The following TTC19 variants were observed in gnomAD, a reference collection of about 807,000 sequenced individuals.
TTC19 encodes the protein tetratricopeptide repeat domain 19, also known as tetratricopeptide repeat protein 19, mitochondrial.
In TTC19, 38 loss-of-function variants were observed where a neutral mutation model predicts 49.5. The observed-to-expected ratio is 0.77, with a 90% CI of 0.59 to 1.01. The LOEUF (loss-of-function observed/expected upper bound fraction) is 1.01. TTC19 is among the 50% of genes least tolerant of loss of function. The pLI is 0.00. For missense variants in TTC19, 475 were observed against 477.7 expected (o/e 0.99, Z 0.05); for synonymous variants, 204 against 185.2 (o/e 1.10, Z -0.83).
chr17:16,012,915 T>A (rs944978614), intron 7 of TTC19, among the ~76,000 whole-genome samples: 7 of 152,148 alleles, frequency 4.6e-5, no homozygotes, highest in African/African-American at 1.7e-4. Flanking sequence ...TTTAAAAATT[T>A]AAATAGGCTG....
chr17:16,005,382 G>A (rs1037033397), intron 6 of TTC19, among the ~76,000 whole-genome samples: 42 of 152,200 alleles, frequency 2.8e-4, no homozygotes, highest in Admixed American at 2.7e-3. Flanking sequence ...GAAGGAAGGG[G>A]ATGCTTCTGT....
chr17:16,039,772 T>G, intron 2 of TTC19: 1 of 866,236 alleles, frequency 1.2e-6, no homozygotes, highest in Non-Finnish European at 1.8e-6. Context: ...CCTAGAACAA[T>G]ACCAGGACCC....
At chr17:16,004,002 C>T in intron 5 of TTC19, 115 bp downstream of exon 5, 1 of 1,234,590 alleles carries the variant, frequency 8.1e-7, no homozygotes, top group Non-Finnish European at 1.2e-6. Flanking sequence ...GTGGAGTTTC[C>T]CTTCTGAGAT....
chr17:16,000,267 C>T lies in TTC19; in HGVS notation c.312+22C>T, dbSNP rs768968601. ...CAAGGTGAGGCGGCTCCGGGCCCTG[C>T]GCCCGGCCGAGCGCGGTAGCCTTTG... is the stretch of plus-strand genomic sequence containing the variant. On this transcript the variant is annotated intron_variant, in intron 2 of 9. Transcript: ENST00000261647. The T allele has an allele frequency of 5.7e-6, 9 of 1,592,462 alleles. No individual in the cohort carries two copies. In the Admixed American group the frequency reaches 1.2e-4, roughly 21 times the overall value.
Position 16,026,548 on chromosome 17 carries a change from G to A in TTC19, c.840G>A (p.Val280=), listed in dbSNP as rs1342773414. The A allele has an allele frequency of 6.2e-7, 1 of 1,614,068 alleles. No homozygotes were observed. The highest frequency in any genetic ancestry group is 2.2e-5 in the East Asian group (1 of 44,870). ...TTTTCTTTTACATACAGACCATTGT[G>A]CTGATGAGTGACCTGGCTACTACCC... ...IQGERHPQTI[V]LMSDLATTLD... The change falls in exon 9 of 10, where the codon GTG becomes GTA. Residue 280 remains valine (V), a synonymous_variant. Transcript: ENST00000261647.
chr17:16,026,156 C>G (rs1971549802), intron 8 of TTC19, among the ~76,000 whole-genome samples: 1 of 150,680 alleles, frequency 6.6e-6, no homozygotes, highest in African/African-American at 2.4e-5. Flanking sequence ...CAACATAATA[C>G]AGTGGGGCTC....
At chr17:16,036,345 C>T (rs2056360960) in intron 2 of TTC19, among the ~76,000 whole-genome samples, 1 of 152,168 alleles carries the variant, frequency 6.6e-6, no homozygotes, top group African/African-American at 2.4e-5. Flanking sequence ...GGCTTTGTTC[C>T]ATTTCTAGAG....
downstream of TTC19, chr17:16,032,619 C>T: frequency 1.3e-6 from 1 of 755,184 alleles, no homozygotes; most frequent in Non-Finnish European, 2.0e-6. Flanking sequence ...ATGAATACAA[C>T]ACGGAATGGC....
chr17:16,010,670 T>TGTATTTTTAGTAGAG (rs1250009960), intron 7 of TTC19, among the ~76,000 whole-genome samples: 2 of 141,872 alleles, frequency 1.4e-5, no homozygotes, highest in Non-Finnish European at 3.1e-5. Context: ...GACTGGGTTT[T>TGTATTTTTAGTAGAG]ACCATGTTAG....
At chr17:16,036,138 C>G (rs937273934) in intron 2 of TTC19, among the ~76,000 whole-genome samples, 1 of 152,188 alleles carries the variant, frequency 6.6e-6, no homozygotes, top group Non-Finnish European at 1.5e-5. Flanking sequence ...TTCCTTGATC[C>G]ATGGGCTTCA....
At position 16,027,502 on chromosome 17, in the gene TTC19, A is replaced by G. The variant is rs971440438; in HGVS notation, c.1123A>G (p.Thr375Ala). The G allele has an allele frequency of 6.2e-7, 1 of 1,614,108 alleles. No homozygotes were observed. Among genetic ancestry groups the G allele is most frequent in the East Asian group, 2.2e-5 (1 of 44,878 alleles). The change falls in exon 10 of 10, where the codon ACA becomes GCA. Residue 375 changes from threonine (T) to alanine (A), a missense_variant. Coordinates refer to ENST00000261647, the MANE Select transcript of TTC19 (RefSeq NM_017775.4). Reference sequence around the variant, plus strand: ...GCTGTCAAAGAAAAGTAGACCTTTGACAAATTCTGTCAAGCTCTAAATCCA... The same window carrying G: ...GCTGTCAAAGAAAAGTAGACCTTTGGCAAATTCTGTCAAGCTCTAAATCCA... ...AELSKKSRPL[T>A]NSVKL
At chr17:16,024,982 T>C in intron 7 of TTC19, 35 bp from the exon 8 acceptor site, 6 of 1,610,850 alleles carry the variant, frequency 3.7e-6, no homozygotes, top group Non-Finnish European at 5.1e-6. Context: ...TAACAACCAT[T>C]TGGGTAGATT....
rs1436808683 is a variant in TTC19, at chr17:15,999,857, G to T, written c.9G>T (p.Arg3=). 6.6e-7 allele frequency: 1 copy of T among 1,510,978 alleles called. No individual in the cohort carries two copies. The highest frequency in any genetic ancestry group is 2.1e-5 in the Admixed American group (1 of 48,644). The allele number at this position is 1,510,978 out of a possible 1,614,324, so 93.6% of individuals were successfully genotyped here. ...GAGGACGCGGCGGGAGCATGTTCCG[G>T]CTCCTGAGCTGGAGCCTGGGCCGAG... MF[R]LLSWSLGRGF... Residue 3 remains arginine, a synonymous_variant, in exon 1 of 10, where the codon CGG becomes CGT. Transcript: ENST00000261647.
intron 7 of TTC19, among the ~76,000 whole-genome samples, chr17:16,007,465 TCTTA>T (rs1353677015): frequency 2.0e-5 from 3 of 150,186 alleles, no homozygotes; most frequent in Non-Finnish European, 3.0e-5. Flanking sequence ...TTTTTTGTTT[TCTTA>T]CTAAGTTGAG....
chr17:16,000,017 C>T lies in TTC19; in HGVS notation c.169C>T (p.Leu57=). Residue 57 remains leucine (L), a synonymous_variant, in exon 1 of 10, where the codon CTG becomes TTG. Transcript: ENST00000261647. The part of the protein sequence containing the change: ...VAPHGRGPGL[L]PLLAALAWFS... Reference sequence around the variant, plus strand: ...GCCGCACGGCCGGGGCCCAGGCCTGCTGCCGCTGCTGGCAGGTGAGGGGCG... The same window carrying T: ...GCCGCACGGCCGGGGCCCAGGCCTGTTGCCGCTGCTGGCAGGTGAGGGGCG... 8.0e-7 allele frequency: 1 copy of T among 1,243,024 alleles called. No individual in the cohort carries two copies. Among genetic ancestry groups the T allele is most frequent in the Non-Finnish European group, 1.0e-6 (1 of 996,346 alleles). The allele number at this position is 1,243,024 out of a possible 1,614,324, so 77.0% of individuals were successfully genotyped here.
intron 7 of TTC19, among the ~76,000 whole-genome samples, chr17:16,009,352 T>G (rs1012555287): frequency 3.9e-5 from 6 of 152,238 alleles, no homozygotes; most frequent in African/African-American, 1.4e-4. Flanking sequence ...GTAAAAATCA[T>G]CTGTAATCAT....
chr17:16,028,059 TACCAGCA>T lies in TTC19; in HGVS notation c.*538_*544del. 2.2e-6 allele frequency: 1 copy of T among 454,130 alleles called. No homozygotes were observed. The highest frequency in any genetic ancestry group is 4.4e-6 in the Non-Finnish European group (1 of 226,794). The allele number at this position is 454,130 out of a possible 1,614,324, so 28.1% of individuals were successfully genotyped here. On this transcript the variant is annotated 3_prime_UTR_variant, in exon 10 of 10. Coordinates refer to ENST00000261647, the MANE Select transcript of TTC19 (RefSeq NM_017775.4). Reference sequence around the variant, plus strand: ...AAAAGAGAAAAATATCTTAGTTTGCTACCAGCATCCAGCATGAAGTTGTAAAGTGGGG... The same window carrying T: ...AAAAGAGAAAAATATCTTAGTTTGCTTCCAGCATGAAGTTGTAAAGTGGGG...
chr17:16,012,708 T>C lies in TTC19; in HGVS notation c.676+6140T>C, dbSNP rs57142855. ...CATATGCCACCACGCCTGGCTAATT[T>C]TGTATTTTTAGTAGAGACGGGGTTT... is the stretch of plus-strand genomic sequence containing the variant. On this transcript the variant is annotated intron_variant, in intron 7 of 9. Transcript: ENST00000261647. 7.3e-3 allele frequency among the ~76,000 whole-genome samples: 1,103 copies of C among 152,080 alleles called. 13 individuals are homozygous for C. Among genetic ancestry groups the C allele is most frequent in the African/African-American group, 0.026 (1,062 of 41,510 alleles).
downstream of TTC19, chr17:16,029,874 G>C (rs1409221461): frequency 6.5e-6 from 1 of 152,960 alleles, no homozygotes; most frequent in Non-Finnish European, 1.5e-5. Flanking sequence ...GTGGTTCACA[G>C]CACCTCACCT....
Sources: allele counts gnomAD v4.1 joint callset (sites outside exome capture counted in the v4.1 genomes callset), GRCh38; gene constraint gnomAD v4.1.1; transcripts MANE v1.5; gene names NCBI Gene and HGNC (gene_info 2026-07-23, HGNC 2026-07-21).